The following PSMF1 variants were observed in gnomAD, a reference collection of about 807,000 sequenced individuals.
PSMF1 encodes the protein proteasome inhibitor PI31 subunit.
Under a neutral mutation model 29.3 loss-of-function variants are expected in PSMF1, and 30 were observed. The observed-to-expected ratio is 1.02, with a 90% confidence interval of 0.77 to 1.39. The LOEUF (loss-of-function observed/expected upper bound fraction) is 1.39. Ranked by LOEUF, PSMF1 falls within the 40% of genes most tolerant of loss-of-function variation. The pLI, the probability that PSMF1 is intolerant of heterozygous loss-of-function variation, is 0.00. For missense variants in PSMF1, 344 were observed against 357.5 expected (o/e 0.96, Z 0.31); for synonymous variants, 134 against 139.7 (o/e 0.96, Z 0.29).
intron 4 of PSMF1, among the ~76,000 whole-genome samples, chr20:1,137,401 T>G (rs1204540915): frequency 2.6e-5 from 4 of 152,188 alleles, no homozygotes; most frequent in Admixed American, 2.6e-4. Context: ...CATTGGTTAA[T>G]CTTAACGCTA....
At chr20:1,142,209 A>G (rs956696659) in intron 4 of PSMF1, among the ~76,000 whole-genome samples, 13 of 152,258 alleles carry the variant, frequency 8.5e-5, no homozygotes, top group Non-Finnish European at 1.2e-4. Flanking sequence ...CCTGAACGAC[A>G]GAGCGAGACT....
In PSMF1 at chr20:1,163,338, G is replaced by A. The variant is rs2086689847; in HGVS notation, c.605+155G>A. 6.6e-6 allele frequency among the ~76,000 whole-genome samples: 1 copy of A among 152,206 alleles called. No homozygotes were observed. The highest frequency in any genetic ancestry group is 2.4e-5 in the African/African-American group (1 of 41,448). On this transcript the variant is annotated intron_variant, in intron 5 of 6. Coordinates refer to ENST00000335877, the MANE Select transcript of PSMF1 (RefSeq NM_006814.5). The surrounding 1 kb of genome is among the most constrained non-coding windows in gnomAD (Gnocchi z 6.1). ...CAGCTGAGAAAGCACTGCCACATAC[G>A]CTGCCCCTCCACACCTAGAGCGGTG...
chr20:1,114,456 T>C (rs984558715), upstream of PSMF1, among the ~76,000 whole-genome samples: 5 of 152,272 alleles, frequency 3.3e-5, no homozygotes, highest in Non-Finnish European at 7.3e-5. Flanking sequence ...AGGGAACCAG[T>C]GTTCTGTAAG....
intron 4 of PSMF1, among the ~76,000 whole-genome samples, chr20:1,151,017 T>C (rs1360033032): frequency 1.3e-5 from 2 of 152,274 alleles, no homozygotes; most frequent in African/African-American, 4.8e-5. Context: ...AAGATTATCC[T>C]CTACCTATGT....
Position 1,169,086 on chromosome 20 carries a change from C to A in PSMF1, c.*4006C>A, listed in dbSNP as rs367814092. ...TAGCAATGATGATGTGATCCTGCTG[C>A]TCTCTGGACCGTAACCTTTTTGGTT... On this transcript the variant is annotated 3_prime_UTR_variant, in exon 7 of 7. Coordinates refer to ENST00000335877, the MANE Select transcript of PSMF1 (RefSeq NM_006814.5). 6.6e-6 allele frequency among the ~76,000 whole-genome samples: 1 copy of A among 152,212 alleles called. No individual in the cohort carries two copies. The highest frequency in any genetic ancestry group is 1.5e-5 in the Non-Finnish European group (1 of 68,040).
upstream of PSMF1, chr20:1,118,495 A>G (rs2122426927): frequency 3.3e-6 from 1 of 304,122 alleles, no homozygotes; most frequent in Non-Finnish European, 6.1e-6. Flanking sequence ...TCCGGCTTTG[A>G]GGGGCCACGC....
rs1162037233 is a variant in PSMF1, at chr20:1,118,732, C to T, written c.-42C>T. The T allele has an allele frequency of 1.3e-6, 2 of 1,597,220 alleles. No homozygotes were observed. Among genetic ancestry groups the T allele is most frequent in the East Asian group, 2.2e-5 (1 of 44,762 alleles). On this transcript the variant is annotated 5_prime_UTR_variant, in exon 1 of 7. Transcript: ENST00000335877. ...GCGGAGCCGGCTCACTGCACTACCC[C>T]CGCCCCCTTCTTTCCTCCAGACGCC...
At chr20:1,158,161 T>C (rs2086618464) in intron 4 of PSMF1, among the ~76,000 whole-genome samples, 1 of 152,088 alleles carries the variant, frequency 6.6e-6, no homozygotes, top group South Asian at 2.1e-4. Flanking sequence ...CGCAATGTCA[T>C]GGGAATAGGA....
Position 1,139,639 on chromosome 20 carries a change from G to A in PSMF1, c.551+4333G>A, listed in dbSNP as rs548103918. Among the ~76,000 whole-genome samples, 4 of 151,962 alleles carry A rather than the reference G, an allele frequency of 2.6e-5. No individual in the cohort carries two copies. In the South Asian group the frequency reaches 8.3e-4, roughly 32 times the overall value. ...AGGTGCTTGTAGTCCCAGCTACTCA[G>A]GAGGCTGAGGCAGGAGAACGGCGTG... is the stretch of plus-strand genomic sequence containing the variant. On this transcript the variant is annotated intron_variant, in intron 4 of 6. Coordinates refer to ENST00000335877, the MANE Select transcript of PSMF1 (RefSeq NM_006814.5).
intron 1 of PSMF1, among the ~76,000 whole-genome samples, chr20:1,120,995 T>C (rs2086079682): frequency 6.6e-6 from 1 of 152,236 alleles, no homozygotes; most frequent in Non-Finnish European, 1.5e-5. Flanking sequence ...GCTGTCTGAA[T>C]CACTTTGACA....
At chr20:1,132,762 A>C (rs2122498016) in intron 3 of PSMF1, among the ~76,000 whole-genome samples, 1 of 152,264 alleles carries the variant, frequency 6.6e-6, no homozygotes, top group Non-Finnish European at 1.5e-5. Context: ...TTCCATCAGT[A>C]TCATTTGTAA....
Position 1,166,258 on chromosome 20 carries a change from G to GCC in PSMF1, c.*1180_*1181dup. Reference sequence around the variant, plus strand: ...GCCTGACAGACGCGGGCAGTGATGAGCCCTGTTCTGGAGTGGAAAGAGCAC... The same window carrying GCC: ...GCCTGACAGACGCGGGCAGTGATGAGCCCCCTGTTCTGGAGTGGAAAGAGCAC... On this transcript the variant is annotated 3_prime_UTR_variant, in exon 7 of 7. Coordinates refer to ENST00000335877, the MANE Select transcript of PSMF1 (RefSeq NM_006814.5). The GCC allele has an allele frequency of 1.2e-6, 2 of 1,612,262 alleles. No homozygotes were observed. The highest frequency in any genetic ancestry group is 2.2e-5 in the South Asian group (2 of 90,870).
rs368644537 is a variant in PSMF1, at chr20:1,164,287, C to G, written c.606-31C>G. 1.9e-6 allele frequency: 3 copies of G among 1,594,922 alleles called. No homozygotes were observed. Among genetic ancestry groups the G allele is most frequent in the East Asian group, 4.5e-5 (2 of 44,754 alleles). On this transcript the variant is annotated intron_variant, in intron 5 of 6. Transcript: ENST00000335877. The surrounding 1 kb of genome is among the most constrained non-coding windows in gnomAD (Gnocchi z 4.1). The stretch of plus-strand genomic sequence containing the variant: ...TTCTCCAAGGGCAGTCCTTGCCACA[C>G]CTGCTTACCTAACTTTTCTTCTTGC...
At chr20:1,156,281 AG>A (rs1176908854) in intron 4 of PSMF1, among the ~76,000 whole-genome samples, 1 of 152,184 alleles carries the variant, frequency 6.6e-6, no homozygotes, top group Non-Finnish European at 1.5e-5. Context: ...CAATTATAAA[AG>A]GTCTAACATT....
At chr20:1,118,415 G>A (rs907226832), upstream of PSMF1, 4 of 209,146 alleles carry the variant, frequency 1.9e-5, no homozygotes, top group African/African-American at 9.2e-5. Flanking sequence ...CTGCCTCTCA[G>A]CAAGGTGGCC....
At chr20:1,137,604 A>G (rs2086323415) in intron 4 of PSMF1, among the ~76,000 whole-genome samples, 1 of 131,056 alleles carries the variant, frequency 7.6e-6, no homozygotes, top group Non-Finnish European at 1.6e-5. Context: ...TTTTTTCAAC[A>G]AATAAATTAA....
chr20:1,126,668 A>G (rs1004973748), intron 2 of PSMF1, among the ~76,000 whole-genome samples: 1 of 152,072 alleles, frequency 6.6e-6, no homozygotes, highest in Admixed American at 6.6e-5. Flanking sequence ...TGAGGTCAGG[A>G]GTTTGAGACC....
Position 1,163,923 on chromosome 20 carries a change from T to G in PSMF1, c.606-395T>G, listed in dbSNP as rs1050210890. ...CGAATTACCTCAATGCTATAATTAG[T>G]CCTTAAACCTAAAGTAGCACCCTGC... On this transcript the variant is annotated intron_variant, in intron 5 of 6. Coordinates refer to ENST00000335877, the MANE Select transcript of PSMF1 (RefSeq NM_006814.5). This position sits in a 1 kb window ranked among gnomAD's most constrained non-coding sequence, Gnocchi z 6.1. Among the ~76,000 whole-genome samples, 4 of 152,150 alleles carry G rather than the reference T, an allele frequency of 2.6e-5. No homozygotes were observed. Among genetic ancestry groups the G allele is most frequent in the African/African-American group, 9.7e-5 (4 of 41,422 alleles).
In PSMF1 at chr20:1,118,722, T is replaced by A. The variant is rs1425912570; in HGVS notation, c.-52T>A. 6.3e-7 allele frequency: 1 copy of A among 1,576,212 alleles called. No individual in the cohort carries two copies. Among genetic ancestry groups the A allele is most frequent in the Non-Finnish European group, 8.6e-7 (1 of 1,157,976 alleles). ...TACCCCGGCCGCGGAGCCGGCTCACTGCACTACCCCCGCCCCCTTCTTTCC... is the reference window on the plus strand; with the variant it reads ...TACCCCGGCCGCGGAGCCGGCTCACAGCACTACCCCCGCCCCCTTCTTTCC... On this transcript the variant is annotated 5_prime_UTR_variant, in exon 1 of 7. Transcript: ENST00000335877.
Sources: gnomAD v4.1 joint callset for allele counts (sites outside exome capture counted in the v4.1 genomes callset) on GRCh38, gnomAD v4.1.1 for gene constraint, Gnocchi (gnomAD v3.1) non-coding constraint, MANE v1.5 for transcripts, NCBI Gene and HGNC (gene_info 2026-07-23, HGNC 2026-07-21) for gene names.